Variants in DIABLO observed in about 807,000 individuals in gnomAD.
DIABLO encodes the protein diablo homolog, mitochondrial.
DIABLO carries 32 observed loss-of-function variants against 31.7 expected under a neutral mutation model. That is an observed-to-expected ratio of 1.01 (90% CI 0.76 to 1.35). The LOEUF is 1.35. DIABLO is among the 40% of genes most tolerant of loss of function. DIABLO has a pLI of 0.00. For missense variants in DIABLO, 316 were observed against 286.4 expected (o/e 1.10, Z -0.75); for synonymous variants, 132 against 103.2 (o/e 1.28, Z -1.69).
In DIABLO at chr12:122,208,489, T is replaced by C. The variant is rs1953990694; in HGVS notation, c.612A>G (p.Ala204=). ...TCTGTGCTTCTGCCAGCTTGGTTTCTGCTTTCCGGGAGAGCTGGTGCACCT... is the reference window on the plus strand; with the variant it reads ...TCTGTGCTTCTGCCAGCTTGGTTTCCGCTTTCCGGGAGAGCTGGTGCACCT... ...VEEVHQLSRK[A]ETKLAEAQIE... Residue 204 remains alanine, a synonymous_variant, in exon 6 of 6, where the codon GCA becomes GCG. Coordinates refer to ENST00000464942, the MANE Select transcript of DIABLO (RefSeq NM_001371333.1). 3 of 1,614,090 alleles carry C rather than the reference T, an allele frequency of 1.9e-6. No individual in the cohort carries two copies. Among genetic ancestry groups the C allele is most frequent in the Non-Finnish European group, 1.7e-6 (2 of 1,180,058 alleles).
At position 122,209,953 on chromosome 12, in the gene DIABLO, G is replaced by A; in HGVS notation, c.524-1376C>T. On this transcript the variant is annotated intron_variant, in intron 5 of 5. Transcript: ENST00000464942. ...TGTACTTAGATTCGAATCATAAATG[G>A]CTACTACACTGAAGATGTTTTGGGC... The A allele has an allele frequency of 4.9e-6, 3 of 610,960 alleles. No individual in the cohort carries two copies. In the South Asian group the frequency reaches 5.8e-5, roughly 12 times the overall value. The allele number at this position is 610,960 out of a possible 1,614,324, so 37.8% of individuals were successfully genotyped here. A position where few individuals can be genotyped will look rare whatever the true frequency, so the allele number is the denominator to read the frequency against.
At chr12:122,219,848 G>C (rs1436077065) in intron 2 of DIABLO, among the ~76,000 whole-genome samples, 1 of 149,478 alleles carries the variant, frequency 6.7e-6, no homozygotes, top group Non-Finnish European at 1.5e-5. Flanking sequence ...CTGGGCGACA[G>C]AGCAAGACTC....
rs767450318 is a variant in DIABLO at position 122,207,999 on chromosome 12, A to C, written c.*382T>G. The C allele has an allele frequency of 4.2e-6, 2 of 480,334 alleles. No individual in the cohort carries two copies. The highest frequency in any genetic ancestry group is 1.5e-5 in the South Asian group (1 of 64,682). The allele number at this position is 480,334 out of a possible 1,614,324, so 29.8% of individuals were successfully genotyped here. A position where few individuals can be genotyped will look rare whatever the true frequency, so the allele number is the denominator to read the frequency against. ...ATCCCAACAGAGGGAACAAGTACTA[A>C]ATCATTTTTGACGACGTAAATAAGA... is the stretch of plus-strand genomic sequence containing the variant. On this transcript the variant is annotated 3_prime_UTR_variant, in exon 6 of 6. Coordinates refer to ENST00000464942, the MANE Select transcript of DIABLO (RefSeq NM_001371333.1).
At chr12:122,210,687 A>ACC (rs1160480508) in intron 5 of DIABLO, among the ~76,000 whole-genome samples, 1 of 152,014 alleles carries the variant, frequency 6.6e-6, no homozygotes, top group East Asian at 1.9e-4. Flanking sequence ...GTGATATATC[A>ACC]ACTTTTTAAA....
At chr12:122,215,691 G>A (rs572724692) in intron 5 of DIABLO, among the ~76,000 whole-genome samples, 13 of 152,058 alleles carry the variant, frequency 8.5e-5, no homozygotes, top group East Asian at 7.8e-4. Context: ...GGGGCACCAC[G>A]GTGCAAAGGA....
intron 5 of DIABLO, among the ~76,000 whole-genome samples, chr12:122,213,893 T>C (rs987657650): frequency 6.6e-6 from 1 of 152,066 alleles, no homozygotes; most frequent in African/African-American, 2.4e-5. Flanking sequence ...AAGACCGGTC[T>C]GGCCAACATG....
At chr12:122,216,441 C>T (rs745489788) in intron 5 of DIABLO, 47 bp downstream of exon 5, 5 of 1,491,406 alleles carry the variant, frequency 3.4e-6, no homozygotes, top group South Asian at 1.2e-5. Context: ...TGGTACCTTC[C>T]TAGTTAAAAA....
At chr12:122,209,227 G>A (rs1357869200) in intron 5 of DIABLO, among the ~76,000 whole-genome samples, 5 of 152,012 alleles carry the variant, frequency 3.3e-5, no homozygotes, top group Non-Finnish European at 7.4e-5. Flanking sequence ...GCCAGGCATG[G>A]TGGCGCATGC....
chr12:122,217,222 A>T, intron 3 of DIABLO: 1 of 303,222 alleles, frequency 3.3e-6, no homozygotes, highest in Non-Finnish European at 6.4e-6. Flanking sequence ...ACGCTAAAAA[A>T]TTTTTATTGG....
chr12:122,214,817 G>A (rs939953794), intron 5 of DIABLO, among the ~76,000 whole-genome samples: 1 of 152,042 alleles, frequency 6.6e-6, no homozygotes, highest in Non-Finnish European at 1.5e-5. Context: ...CTGGGTTCAA[G>A]CCATTCTCCT....
chr12:122,219,865 CAAA>C (rs759696825), intron 2 of DIABLO, among the ~76,000 whole-genome samples: 1 of 120,536 alleles, frequency 8.3e-6, no homozygotes, highest in Non-Finnish European at 1.8e-5. Flanking sequence ...ACTCTTTCGC[CAAA>C]AAAAAAAAAA....
intron 1 of DIABLO, chr12:122,225,629 C>T: frequency 2.3e-6 from 3 of 1,287,760 alleles, no homozygotes; most frequent in Non-Finnish European, 3.0e-6. Context: ...CCCGGACTCC[C>T]CCCATGCCGT....
chr12:122,213,234 A>G (rs1954126856), intron 5 of DIABLO, among the ~76,000 whole-genome samples: 1 of 151,966 alleles, frequency 6.6e-6, no homozygotes, highest in Non-Finnish European at 1.5e-5. Flanking sequence ...TTGGTTAAAA[A>G]AGTGAAATCA....
chr12:122,208,403 TC>T lies in DIABLO; in HGVS notation c.697del (p.Glu233ArgfsTer34). ...EGEERAESEQ[E>X]AYLRED ...CCCTCAATCCTCACGCAGGTAGGCC[TC>T]CTGCTCCGACTCAGCCCGCTCCTCC... is the stretch of plus-strand genomic sequence containing the variant. On this transcript the variant is annotated frameshift_variant, in exon 6 of 6. Transcript: ENST00000464942. LOFTEE classifies it high-confidence loss of function. The T allele has an allele frequency of 6.2e-7, 1 of 1,612,732 alleles. No individual in the cohort carries two copies. Among genetic ancestry groups the T allele is most frequent in the South Asian group, 1.1e-5 (1 of 90,872 alleles).
At chr12:122,209,632 T>A in intron 5 of DIABLO, 1 of 642,510 alleles carries the variant, frequency 1.6e-6, no homozygotes, top group Non-Finnish European at 2.8e-6. Flanking sequence ...GCCACTTCAC[T>A]CCAGCCTAGG....
At chr12:122,217,095 A>ATTTAAAAGCTTGT (rs1954231157) in intron 3 of DIABLO, 3 of 497,620 alleles carry the variant, frequency 6.0e-6, no homozygotes, top group Non-Finnish European at 1.1e-5. Flanking sequence ...CAATTCAGAC[A>ATTTAAAAGCTTGT]CAGAAAGAGA....
intron 5 of DIABLO, 89 bp downstream of exon 5, chr12:122,216,399 C>A: frequency 8.9e-7 from 1 of 1,126,686 alleles, no homozygotes; most frequent in South Asian, 1.3e-5. Flanking sequence ...ACTATAAAGC[C>A]CTCATTTTAG....
chr12:122,209,966 A>G, intron 5 of DIABLO: 1 of 597,492 alleles, frequency 1.7e-6, no homozygotes, highest in Non-Finnish European at 3.0e-6. Context: ...ACTACACTGA[A>G]GATGTTTTGG....
upstream of DIABLO, chr12:122,226,128 CAA>C (rs768060837): frequency 1.4e-6 from 2 of 1,456,482 alleles, no homozygotes; most frequent in African/African-American, 2.8e-5. Flanking sequence ...CGCCCCCACC[CAA>C]GGAAGCAGTC....
Sources: gnomAD v4.1 joint callset for allele counts (sites outside exome capture counted in the v4.1 genomes callset) on GRCh38, gnomAD v4.1.1 for gene constraint, MANE v1.5 for transcripts, NCBI Gene and HGNC (gene_info 2026-07-23, HGNC 2026-07-21) for gene names.